WWC2: variants seen among roughly 807,000 people sequenced by gnomAD.
WWC2 encodes WW and C2 domain containing 2.
In WWC2, 101 loss-of-function variants were observed where a neutral mutation model predicts 138.5. The ratio of observed to expected loss-of-function variants is 0.73; its 90% CI spans 0.62 to 0.86. WWC2 has a LOEUF of 0.86. Among genes scored for constraint, WWC2 ranks in the 40% least tolerant of loss-of-function variants. WWC2 has a pLI of 0.00. For missense variants in WWC2, 1,420 were observed against 1,419.4 expected, an observed-to-expected ratio of 1.00 and a Z score of -0.01; for synonymous variants, 558 against 538.4, an observed-to-expected ratio of 1.04 and a Z score of -0.50.
intron 4 of WWC2, among the ~76,000 whole-genome samples, chr4:183,227,792 G>A (rs1372182980): frequency 2.0e-5 from 3 of 151,924 alleles, no homozygotes; most frequent in African/African-American, 2.4e-5. Flanking sequence ...GTTATACACA[G>A]CAAAACATCT....
At chr4:183,186,734 A>G (rs1328309731) in intron 1 of WWC2, among the ~76,000 whole-genome samples, 1 of 151,944 alleles carries the variant, frequency 6.6e-6, no homozygotes, top group Admixed American at 6.5e-5. Flanking sequence ...TGTGGGTCTC[A>G]GGGAGCAGAC....
chr4:183,183,702 C>T (rs560652822), intron 1 of WWC2, among the ~76,000 whole-genome samples: 67 of 150,836 alleles, frequency 4.4e-4, no homozygotes, highest in African/African-American at 8.2e-4. Context: ...GGCTTCAGCC[C>T]GGGAGGTTGA....
intron 1 of WWC2, among the ~76,000 whole-genome samples, chr4:183,185,533 A>T (rs576834190): frequency 1.3e-5 from 2 of 152,206 alleles, no homozygotes; most frequent in South Asian, 2.1e-4. Context: ...CATACCCATG[A>T]TGTATATTTT....
chr4:183,263,701 G>A (rs1226293610), intron 11 of WWC2, among the ~76,000 whole-genome samples: 2 of 152,178 alleles, frequency 1.3e-5, no homozygotes, highest in Admixed American at 6.5e-5. Flanking sequence ...TCAAGGCTGC[G>A]ACGAGCTGAG....
At position 183,289,326 on chromosome 4, in the gene WWC2, G is replaced by T. The variant is rs1055012477; in HGVS notation, c.3142-67G>T. 7 of 1,551,232 alleles carry T rather than the reference G, an allele frequency of 4.5e-6. No individual in the cohort carries two copies. In the African/African-American group the frequency reaches 5.4e-5, roughly 12 times the overall value. On this transcript the variant is annotated intron_variant, in intron 20 of 22. Coordinates refer to ENST00000403733, the MANE Select transcript of WWC2 (RefSeq NM_024949.6). ...GCACCATCCATCATGCGCCAGGAAGGAGGGGAAGTGGGGTAACCACTGCCT... is the reference window on the plus strand; with the variant it reads ...GCACCATCCATCATGCGCCAGGAAGTAGGGGAAGTGGGGTAACCACTGCCT...
At chr4:183,292,961 TG>T (rs1474855576) in intron 21 of WWC2, among the ~76,000 whole-genome samples, 1 of 152,232 alleles carries the variant, frequency 6.6e-6, no homozygotes, top group Non-Finnish European at 1.5e-5. Flanking sequence ...TTCTTTGGTT[TG>T]GTTTTTTGAG....
At position 183,264,965 on chromosome 4, in the gene WWC2, C is replaced by T. The variant is rs1580125467; in HGVS notation, c.1910-13C>T. Reference sequence around the variant, plus strand: ...AGACATTCTGATTAGTGCTCTCACCCTCCCCTCCATAGATGTGGAAAAATC... The same window carrying T: ...AGACATTCTGATTAGTGCTCTCACCTTCCCCTCCATAGATGTGGAAAAATC... On this transcript the variant is annotated splice_polypyrimidine_tract_variant and intron_variant, in intron 11 of 22. Transcript: ENST00000403733. The T allele has an allele frequency of 1.2e-6, 2 of 1,608,288 alleles. No individual in the cohort carries two copies. Among genetic ancestry groups the T allele is most frequent in the Non-Finnish European group, 1.7e-6 (2 of 1,177,090 alleles).
At chr4:183,313,105 C>G (rs1471889226) in intron 22 of WWC2, among the ~76,000 whole-genome samples, 3 of 152,084 alleles carry the variant, frequency 2.0e-5, no homozygotes, top group African/African-American at 7.2e-5. Context: ...CTAGGGGTGG[C>G]AGTTTTGAGT....
intron 2 of WWC2, 82 bp from the exon 3 acceptor site, chr4:183,207,871 A>T: frequency 7.7e-7 from 1 of 1,296,388 alleles, no homozygotes; most frequent in Non-Finnish European, 1.0e-6. Flanking sequence ...ACAAGAACTT[A>T]AGCTAGCCTA....
At chr4:183,297,141 A>G (rs899635631) in intron 21 of WWC2, among the ~76,000 whole-genome samples, 1 of 151,472 alleles carries the variant, frequency 6.6e-6, no homozygotes, top group Admixed American at 6.6e-5. Flanking sequence ...CACTCAGCCA[A>G]TTTTATTTTT....
At chr4:183,129,454 G>C (rs1376889046) in intron 1 of WWC2, among the ~76,000 whole-genome samples, 1 of 152,202 alleles carries the variant, frequency 6.6e-6, no homozygotes, top group Non-Finnish European at 1.5e-5. Flanking sequence ...TTTAAGGTCT[G>C]TCTTGTGAAA....
At chr4:183,285,573 C>G (rs554553121) in intron 19 of WWC2, among the ~76,000 whole-genome samples, 1 of 152,048 alleles carries the variant, frequency 6.6e-6, no homozygotes, top group Non-Finnish European at 1.5e-5. Context: ...CCAGCCTGGC[C>G]AACATGGTGA....
intron 2 of WWC2, among the ~76,000 whole-genome samples, chr4:183,204,241 G>C (rs930824554): frequency 6.6e-6 from 1 of 152,244 alleles, no homozygotes; most frequent in East Asian, 1.9e-4. Flanking sequence ...GTGAGTTAGC[G>C]AAGTGCTCTA....
At chr4:183,202,854 A>C (rs1735339608) in intron 2 of WWC2, among the ~76,000 whole-genome samples, 1 of 152,184 alleles carries the variant, frequency 6.6e-6, no homozygotes, top group South Asian at 2.1e-4. Context: ...TGACTTTATA[A>C]TTTCTTTGCT....
intron 1 of WWC2, among the ~76,000 whole-genome samples, chr4:183,180,088 T>C (rs2111182034): frequency 6.6e-6 from 1 of 152,310 alleles, no homozygotes; most frequent in South Asian, 2.1e-4. Flanking sequence ...AGAAGACAAC[T>C]GTTTAAGTGT....
At chr4:183,268,486 T>C (rs1737580645) in intron 14 of WWC2, among the ~76,000 whole-genome samples, 1 of 152,222 alleles carries the variant, frequency 6.6e-6, no homozygotes, top group Non-Finnish European at 1.5e-5. Flanking sequence ...TACTGAGCCT[T>C]TCTTTTTCTC....
At chr4:183,290,086 G>A (rs1205876593) in intron 21 of WWC2, among the ~76,000 whole-genome samples, 2 of 152,030 alleles carry the variant, frequency 1.3e-5, no homozygotes, top group Non-Finnish European at 2.9e-5. Context: ...GAAATACATT[G>A]CTAATTTTAA....
intron 1 of WWC2, among the ~76,000 whole-genome samples, chr4:183,175,191 T>A (rs1450576202): frequency 6.6e-6 from 1 of 152,216 alleles, no homozygotes; most frequent in Non-Finnish European, 1.5e-5. Context: ...TCATTTAACA[T>A]CTAGCATGTC....
At chr4:183,261,652 C>A in intron 11 of WWC2, 120 bp downstream of exon 11, 1 of 1,222,084 alleles carries the variant, frequency 8.2e-7, no homozygotes, top group Non-Finnish European at 1.1e-6. Context: ...TTTGAGTAAT[C>A]GTTTTGGCTT....
Sources: gnomAD v4.1 joint callset for allele counts (sites outside exome capture counted in the v4.1 genomes callset) on GRCh38, gnomAD v4.1.1 for gene constraint, MANE v1.5 for transcripts, NCBI Gene and HGNC (gene_info 2026-07-23, HGNC 2026-07-21) for gene names.